The following SOX6 variants were observed in gnomAD, a reference collection of about 807,000 sequenced individuals.
SOX6 encodes SRY-box transcription factor 6.
A neutral mutation model predicts 97.8 loss-of-function variants in SOX6; 11 were observed. That is an observed-to-expected ratio of 0.11 (90% CI 0.07 to 0.19). SOX6 has a LOEUF of 0.19. Ranked by LOEUF, SOX6 falls within the 10% of genes least tolerant of loss-of-function variation. The probability of loss-of-function intolerance (pLI) is 1.00; values close to 1 mark genes in which losing one functional copy is unlikely to be tolerated. For synonymous variants in SOX6, 360 were observed against 371.4 expected, an observed-to-expected ratio of 0.97 and a Z score of 0.35; for missense variants, 810 against 1,039.5, an observed-to-expected ratio of 0.78 and a Z score of 3.04.
intron 3 of SOX6, among the ~76,000 whole-genome samples, chr11:16,242,635 T>TA (rs903679446): frequency 4.2e-4 from 61 of 146,346 alleles, no homozygotes; most frequent in South Asian, 6.5e-4. Context: ...TGAGGCTCAT[T>TA]AAAAAAAAAC....
chr11:16,169,618 C>A (rs1473974664), intron 6 of SOX6, among the ~76,000 whole-genome samples: 1 of 151,972 alleles, frequency 6.6e-6, no homozygotes, highest in African/African-American at 2.4e-5. Flanking sequence ...AGAATCATAG[C>A]CAAACACTCA....
chr11:16,071,548 C>A, intron 9 of SOX6, among the ~76,000 whole-genome samples: 1 of 152,042 alleles, frequency 6.6e-6, no homozygotes, highest in Non-Finnish European at 1.5e-5. Context: ...CTTGAAAACA[C>A]CCTGATAGCA....
chr11:16,052,855 G>C (rs1023616071), intron 10 of SOX6, among the ~76,000 whole-genome samples: 4 of 152,134 alleles, frequency 2.6e-5, no homozygotes, highest in Admixed American at 2.6e-4. Context: ...GAATCTACTT[G>C]ATGCCCATGT....
At chr11:16,704,190 A>C (rs1157317541) in intron 3 of SOX6, among the ~76,000 whole-genome samples, 1 of 152,212 alleles carries the variant, frequency 6.6e-6, no homozygotes, top group Non-Finnish European at 1.5e-5. Flanking sequence ...TTCAGCTAAA[A>C]TGATCTTCAT....
intron 1 of SOX6, among the ~76,000 whole-genome samples, chr11:16,445,000 A>T (rs1393982644): frequency 1.3e-5 from 2 of 152,062 alleles, no homozygotes; most frequent in Non-Finnish European, 2.9e-5. Flanking sequence ...ATCATGCTCA[A>T]TTTTTTTCTG....
At chr11:16,033,799 G>A (rs1429309236) in intron 12 of SOX6, among the ~76,000 whole-genome samples, 1 of 152,148 alleles carries the variant, frequency 6.6e-6, no homozygotes, top group Non-Finnish European at 1.5e-5. Flanking sequence ...TTGAACCTAG[G>A]AGGTGGAGGT....
intron 6 of SOX6, among the ~76,000 whole-genome samples, chr11:16,161,939 G>A (rs947346493): frequency 1.3e-5 from 2 of 152,132 alleles, no homozygotes; most frequent in Non-Finnish European, 2.9e-5. Flanking sequence ...CTGGAACTAT[G>A]AAAATAAATT....
chr11:16,526,490 G>A (rs975208352), intron 4 of SOX6, among the ~76,000 whole-genome samples: 13 of 151,952 alleles, frequency 8.6e-5, no homozygotes, highest in Non-Finnish European at 1.3e-4. Context: ...TTGTGGGGTG[G>A]GGGGAGTGGG....
chr11:16,008,242 T>G (rs1434887143), intron 13 of SOX6, among the ~76,000 whole-genome samples: 1 of 152,116 alleles, frequency 6.6e-6, no homozygotes, highest in Non-Finnish European at 1.5e-5. Flanking sequence ...CCATTTTTTG[T>G]GTGAATATTT....
chr11:16,498,101 A>G (rs1165239066), intron 4 of SOX6, among the ~76,000 whole-genome samples: 1 of 152,250 alleles, frequency 6.6e-6, no homozygotes, highest in Non-Finnish European at 1.5e-5. Context: ...GAAGCCCATC[A>G]GACTAACAGC....
chr11:16,124,570 C>G lies in SOX6; in HGVS notation c.778-12647G>C, dbSNP rs577456084. On this transcript the variant is annotated intron_variant, in intron 6 of 15. Transcript: ENST00000683767. ...TTAAACGACCTGAGGAAATGTTGCA[C>G]AGAGCTAGAAGAGAGAAAAGCAACT... Among the ~76,000 whole-genome samples the G allele has an allele frequency of 3.9e-5, 6 of 151,980 alleles. No homozygotes were observed. The East Asian group carries it at 1.2e-3, about 30-fold the overall frequency.
chr11:16,548,656 A>G (rs1211399981), intron 4 of SOX6, among the ~76,000 whole-genome samples: 1 of 152,208 alleles, frequency 6.6e-6, no homozygotes, highest in East Asian at 1.9e-4. Context: ...AAAGACACTT[A>G]AAATGAACGG....
At chr11:16,718,252 T>TA (rs112174259) in intron 2 of SOX6, among the ~76,000 whole-genome samples, 131 of 143,310 alleles carry the variant, frequency 9.1e-4, no homozygotes, top group South Asian at 7.1e-3. Context: ...AACAACAATT[T>TA]AAAAAAAAAA....
At chr11:16,183,565 A>C (rs1339855592) in intron 6 of SOX6, among the ~76,000 whole-genome samples, 1 of 152,056 alleles carries the variant, frequency 6.6e-6, no homozygotes, top group Non-Finnish European at 1.5e-5. Flanking sequence ...TACAAAACAG[A>C]AAGTGGTCAG....
intron 6 of SOX6, among the ~76,000 whole-genome samples, chr11:16,182,178 GA>G (rs1286064054): frequency 6.6e-6 from 1 of 151,782 alleles, no homozygotes; most frequent in Non-Finnish European, 1.5e-5. Flanking sequence ...AGTGCCACAG[GA>G]AAACATCAGT....
chr11:16,529,899 CTAT>C (rs1057363117), intron 4 of SOX6, among the ~76,000 whole-genome samples: 5 of 151,784 alleles, frequency 3.3e-5, no homozygotes, highest in South Asian at 2.1e-4. Context: ...AATTTATGAC[CTAT>C]TATTATTATT....
At chr11:16,502,150 A>G (rs1478767187) in intron 4 of SOX6, among the ~76,000 whole-genome samples, 1 of 152,238 alleles carries the variant, frequency 6.6e-6, no homozygotes, top group Non-Finnish European at 1.5e-5. Context: ...TGATGAGTTC[A>G]TGTCCTTTGT....
intron 2 of SOX6, among the ~76,000 whole-genome samples, chr11:16,718,335 C>G (rs1490565344): frequency 6.6e-6 from 1 of 151,952 alleles, no homozygotes; most frequent in Non-Finnish European, 1.5e-5. Flanking sequence ...TCTCTAATGA[C>G]TTAGAGAATT....
At chr11:16,006,040 T>C (rs549969822) in intron 13 of SOX6, among the ~76,000 whole-genome samples, 5 of 152,036 alleles carry the variant, frequency 3.3e-5, no homozygotes, top group African/African-American at 1.2e-4. Context: ...TCAGTCACAG[T>C]AGACAGTGAA....
Sources: allele counts gnomAD v4.1 joint callset (sites outside exome capture counted in the v4.1 genomes callset), GRCh38; gene constraint gnomAD v4.1.1; transcripts MANE v1.5; gene names NCBI Gene and HGNC (gene_info 2026-07-23, HGNC 2026-07-21).